Variants in ZFYVE9 observed in about 807,000 individuals in gnomAD.
ZFYVE9 encodes zinc finger FYVE-type containing 9, also known as zinc finger FYVE domain-containing protein 9.
In ZFYVE9, 43 loss-of-function variants were observed where a neutral mutation model predicts 126.7. The ratio of observed to expected loss-of-function variants is 0.34; its 90% CI spans 0.27 to 0.44. The LOEUF is 0.44. Ranked by LOEUF, ZFYVE9 falls within the 20% of genes least tolerant of loss-of-function variation. The pLI, the probability that ZFYVE9 is intolerant of heterozygous loss-of-function variation, is 1.00. For synonymous variants in ZFYVE9, 521 were observed against 597.4 expected (o/e 0.87, Z 1.87); for missense variants, 1,476 against 1,697.0 (o/e 0.87, Z 2.29).
intron 7 of ZFYVE9, among the ~76,000 whole-genome samples, chr1:52,272,746 T>C (rs547861888): frequency 1.7e-4 from 26 of 148,778 alleles, no homozygotes; most frequent in African/African-American, 6.0e-4. Flanking sequence ...CTCGGCTCAC[T>C]GCAACCTCCA....
chr1:52,188,238 T>C (rs1337741608), intron 1 of ZFYVE9, among the ~76,000 whole-genome samples: 4 of 96,226 alleles, frequency 4.2e-5, no homozygotes, highest in Non-Finnish European at 8.9e-5. Context: ...AGAAACCGTA[T>C]ACCACGTGTT....
intron 13 of ZFYVE9, among the ~76,000 whole-genome samples, chr1:52,312,291 A>T (rs537946559): frequency 6.6e-6 from 1 of 152,218 alleles, no homozygotes; most frequent in Non-Finnish European, 1.5e-5. Flanking sequence ...TATTTAATAT[A>T]AGGAAAAGAA....
rs567244600 is a variant in ZFYVE9 at position 52,323,140 on chromosome 1, G to T, written c.3439-9628G>T. ...CATTTTTTATAACTATTCCTTTTCT[G>T]TCACTCAGCTCTGGCCACACTGTCC... On this transcript the variant is annotated intron_variant, in intron 13 of 18. Transcript: ENST00000287727. 3.9e-5 allele frequency among the ~76,000 whole-genome samples: 6 copies of T among 152,098 alleles called. No individual in the cohort carries two copies. The East Asian group carries it at 1.2e-3, about 29-fold the overall frequency.
At chr1:52,340,870 C>T (rs943767344) in intron 17 of ZFYVE9, among the ~76,000 whole-genome samples, 2 of 141,186 alleles carry the variant, frequency 1.4e-5, no homozygotes, top group Non-Finnish European at 3.0e-5. Flanking sequence ...CACTGCACTC[C>T]ATCCAGCCTA....
intron 4 of ZFYVE9, among the ~76,000 whole-genome samples, chr1:52,246,994 C>T (rs943144296): frequency 6.6e-6 from 1 of 152,038 alleles, no homozygotes; most frequent in Admixed American, 6.6e-5. Flanking sequence ...AGGCGTGAGC[C>T]GCTGTGCCCG....
chr1:52,221,858 A>G (rs1488426303), intron 2 of ZFYVE9, among the ~76,000 whole-genome samples: 1 of 152,146 alleles, frequency 6.6e-6, no homozygotes, highest in East Asian at 1.9e-4. Context: ...AGGAGGGTTT[A>G]CAGGGTCTGG....
chr1:52,182,242 G>A (rs1051772827), intron 1 of ZFYVE9, among the ~76,000 whole-genome samples: 1 of 152,268 alleles, frequency 6.6e-6, no homozygotes, highest in African/African-American at 2.4e-5. Context: ...ACCCCGTCTG[G>A]GAGGTGTGCC....
chr1:52,233,857 T>G (rs527854745), intron 3 of ZFYVE9, among the ~76,000 whole-genome samples: 1 of 152,310 alleles, frequency 6.6e-6, no homozygotes, highest in South Asian at 2.1e-4. Flanking sequence ...CAGTGCTCAC[T>G]GGAACCTCTG....
intron 14 of ZFYVE9, among the ~76,000 whole-genome samples, chr1:52,333,864 G>A (rs750607135): frequency 1.8e-4 from 27 of 152,152 alleles, no homozygotes; most frequent in Middle Eastern, 3.4e-3. Flanking sequence ...GCCGAGGTGG[G>A]TGGATCACCT....
chr1:52,234,967 C>T (rs1405129831), intron 3 of ZFYVE9, among the ~76,000 whole-genome samples: 2 of 152,158 alleles, frequency 1.3e-5, no homozygotes, highest in Non-Finnish European at 2.9e-5. Context: ...TCTAATAAAA[C>T]TCTTAGTTCA....
At chr1:52,300,965 T>A (rs569428878) in intron 12 of ZFYVE9, among the ~76,000 whole-genome samples, 1 of 150,992 alleles carries the variant, frequency 6.6e-6, no homozygotes, top group Non-Finnish European at 1.5e-5. Flanking sequence ...GCTCAAGCAA[T>A]GCTCCCACCT....
intron 1 of ZFYVE9, among the ~76,000 whole-genome samples, chr1:52,183,868 T>G (rs1448865288): frequency 2.6e-5 from 4 of 151,320 alleles, no homozygotes; most frequent in Admixed American, 6.6e-5. Flanking sequence ...CTTTTTTTTT[T>G]TTTTGAGATG....
chr1:52,146,548 A>G (rs1226312349), intron 1 of ZFYVE9, among the ~76,000 whole-genome samples: 1 of 152,156 alleles, frequency 6.6e-6, no homozygotes, highest in Non-Finnish European at 1.5e-5. Flanking sequence ...ATAAAATGCA[A>G]CTGATAATAG....
chr1:52,239,550 G>A lies in ZFYVE9; in HGVS notation c.2133G>A (p.Arg711=), dbSNP rs1399615577. ...CAAATTGCATGAAATGTGAAGCCAG[G>A]TTTACATTCACCAAAAGGAGGCATC... The part of the protein sequence containing the change: ...QAPNCMKCEA[R]FTFTKRRHHC... The change falls in exon 4 of 19, where the codon AGG becomes AGA. Residue 711 remains arginine, a synonymous_variant. Transcript: ENST00000287727. 1 of 1,613,892 alleles carries A rather than the reference G, an allele frequency of 6.2e-7. No homozygotes were observed. The highest frequency in any genetic ancestry group is 8.5e-7 in the Non-Finnish European group (1 of 1,179,940).
chr1:52,238,576 C>T lies in ZFYVE9; in HGVS notation c.1159C>T (p.Leu387Phe), dbSNP rs767756072. 6.8e-6 allele frequency: 11 copies of T among 1,613,974 alleles called. No homozygotes were observed. The South Asian group carries it at 1.1e-4, about 16-fold the overall frequency. Residue 387 changes from leucine (L) to phenylalanine (F), a missense_variant, in exon 4 of 19, where the codon CTT becomes TTT. Leu to Phe is a conservative substitution (Grantham distance 22). Coordinates refer to ENST00000287727, the MANE Select transcript of ZFYVE9 (RefSeq NM_004799.4). ...AGAAACTCTTGGCACTACAGAATTC[C>T]TTAATATGACAGAGCATTTCTCTGA... ...HEETLGTTEF[L>F]NMTEHFSESQ...
intron 4 of ZFYVE9, 148 bp from the exon 5 acceptor site, chr1:52,263,625 A>G (rs1201285602): frequency 2.2e-6 from 1 of 455,844 alleles, no homozygotes. Context: ...TGAATTACCC[A>G]ACTTCCTGAA....
At chr1:52,299,029 C>T (rs1007954274) in intron 12 of ZFYVE9, among the ~76,000 whole-genome samples, 16 of 151,874 alleles carry the variant, frequency 1.1e-4, no homozygotes, top group African/African-American at 3.6e-4. Context: ...AGGATGGTCT[C>T]GATCTCCTGA....
chr1:52,303,547 T>A (rs1472694739), intron 12 of ZFYVE9, among the ~76,000 whole-genome samples: 1 of 152,102 alleles, frequency 6.6e-6, no homozygotes, highest in East Asian at 1.9e-4. Context: ...ATACAGAAAA[T>A]GTTAAGTGGT....
chr1:52,171,232 A>G (rs1019452270), intron 1 of ZFYVE9, among the ~76,000 whole-genome samples: 6 of 150,916 alleles, frequency 4.0e-5, no homozygotes, highest in African/African-American at 1.2e-4. Context: ...ATTCCCATCT[A>G]TGAGTGAGAA....
Sources: allele counts gnomAD v4.1 joint callset (sites outside exome capture counted in the v4.1 genomes callset), GRCh38; gene constraint gnomAD v4.1.1; transcripts MANE v1.5; gene names NCBI Gene and HGNC (gene_info 2026-07-23, HGNC 2026-07-21).